Variants in CAPN8 observed in about 807,000 individuals in gnomAD.
CAPN8 encodes calpain 8.
In CAPN8, 87 loss-of-function variants were observed where a neutral mutation model predicts 80.9. That is an observed-to-expected ratio of 1.07 (90% confidence interval 0.90 to 1.28). CAPN8 has a LOEUF of 1.28. Ranked by LOEUF, CAPN8 falls within the 50% of genes most tolerant of loss-of-function variation. The probability of loss-of-function intolerance (pLI) is 0.00; values close to 1 mark genes in which losing one functional copy is unlikely to be tolerated. For missense variants in CAPN8, 757 were observed against 702.0 expected, an observed-to-expected ratio of 1.08 and a Z score of -0.89; for synonymous variants, 299 against 273.8, an observed-to-expected ratio of 1.09 and a Z score of -0.91.
At chr1:223,626,410 G>A (rs1041470863) in intron 5 of CAPN8, among the ~76,000 whole-genome samples, 1 of 152,100 alleles carries the variant, frequency 6.6e-6, no homozygotes, top group African/African-American at 2.4e-5. Flanking sequence ...AAATCACCAG[G>A]TAAGGACAAG....
chr1:223,653,212 T>C (rs1658387227), intron 2 of CAPN8, among the ~76,000 whole-genome samples: 1 of 150,400 alleles, frequency 6.6e-6, no homozygotes, highest in Non-Finnish European at 1.5e-5. Flanking sequence ...GAGGCTGTGG[T>C]TTTCAGGCAA....
chr1:223,542,007 C>T, intron 20 of CAPN8, 148 bp from the exon 21 acceptor site: 1 of 1,320,604 alleles, frequency 7.6e-7, no homozygotes, highest in Middle Eastern at 2.2e-4. Flanking sequence ...GCAAGGAAGG[C>T]TTTCACTATA....
At position 223,649,128 on chromosome 1, in the gene CAPN8, T is replaced by C. The variant is rs192176247; in HGVS notation, c.307+5202A>G. On this transcript the variant is annotated intron_variant, in intron 2 of 20. Transcript: ENST00000366872. ...TCCCCATTCCTGAAAGCAGCAAGCA[T>C]CAAATTTCATTTTTCAGAGACCAAG... Among the ~76,000 whole-genome samples the C allele has an allele frequency of 5.9e-5, 9 of 152,378 alleles. No homozygotes were observed. In the East Asian group the frequency reaches 1.7e-3, roughly 29 times the overall value.
intron 1 of CAPN8, among the ~76,000 whole-genome samples, chr1:223,656,475 C>A (rs1384512120): frequency 2.6e-5 from 4 of 151,774 alleles, no homozygotes; most frequent in Non-Finnish European, 5.9e-5. Context: ...ACAACAACAA[C>A]AAAAATTTAT....
rs748000049 is a variant in CAPN8, at chr1:223,642,829, C to T, written c.307+11501G>A. The T allele has an allele frequency of 8.8e-6, 4 of 456,266 alleles. 1 individual carries two copies. Among genetic ancestry groups the T allele is most frequent in the South Asian group, 6.2e-5 (4 of 64,566 alleles). The allele number at this position is 456,266 out of a possible 1,614,324, so 28.3% of individuals were successfully genotyped here. A position where few individuals can be genotyped will look rare whatever the true frequency, so the allele number is the denominator to read the frequency against. Reference sequence around the variant, plus strand: ...CCACCAGGCCAATTCTCATCCATCTCGTTTCTGTGATTGTGGAAGGAATAA... The same window carrying T: ...CCACCAGGCCAATTCTCATCCATCTTGTTTCTGTGATTGTGGAAGGAATAA... On this transcript the variant is annotated intron_variant, in intron 2 of 20. Coordinates refer to ENST00000366872, the MANE Select transcript of CAPN8 (RefSeq NM_001143962.2).
rs1317779114 is a variant in CAPN8, at chr1:223,544,068, G to A, written c.2028C>T (p.Phe676=). Residue 676 remains phenylalanine (F), a splice_region_variant and synonymous_variant, in exon 19 of 21, where the codon TTC becomes TTT. Coordinates refer to ENST00000366872, the MANE Select transcript of CAPN8 (RefSeq NM_001143962.2). ...GGGCTGGAGGACAGAGTGACTCACTGAAGAGGGTCTCCAGGCGGATCATAC... is the reference window on the plus strand; with the variant it reads ...GGGCTGGAGGACAGAGTGACTCACTAAAGAGGGTCTCCAGGCGGATCATAC... ...VACMIRLETL[F]KLFSLLDEDK... The A allele has an allele frequency of 2.8e-6, 2 of 717,866 alleles. No individual in the cohort carries two copies. The highest frequency in any genetic ancestry group is 1.5e-5 in the South Asian group (1 of 67,604). 44.5% of individuals were successfully genotyped at this position (717,866 alleles called of 1,614,324 possible).
At position 223,665,443 on chromosome 1, in the gene CAPN8, C is replaced by T. The variant is rs562936995; in HGVS notation, c.204G>A (p.Pro68=). 220 of 1,552,002 alleles carry T rather than the reference C, an allele frequency of 1.4e-4. No homozygotes were observed. The highest frequency in any genetic ancestry group is 2.0e-4 in the South Asian group (17 of 84,050). ...LGYKDLGPGS[P]QTQGIIWKRP... Reference sequence around the variant, plus strand: ...GCTTCCAGATGATGCCTTGAGTTTGCGGAGAGCCTGGTCCAAGATCCTTGT... The same window carrying T: ...GCTTCCAGATGATGCCTTGAGTTTGTGGAGAGCCTGGTCCAAGATCCTTGT... The change falls in exon 1 of 21, where the codon CCG becomes CCA. Residue 68 remains proline (P), a synonymous_variant. Coordinates refer to ENST00000366872, the MANE Select transcript of CAPN8 (RefSeq NM_001143962.2).
intron 20 of CAPN8, among the ~76,000 whole-genome samples, chr1:223,542,699 A>G (rs1656501298): frequency 2.0e-5 from 3 of 152,208 alleles, no homozygotes. Flanking sequence ...ACTTGTACAC[A>G]GTAAAAACAC....
At chr1:223,638,489 T>C (rs1039420575) in intron 2 of CAPN8, among the ~76,000 whole-genome samples, 1 of 152,136 alleles carries the variant, frequency 6.6e-6, no homozygotes, top group South Asian at 2.1e-4. Flanking sequence ...CTCTGGAGTA[T>C]CTTGTTTAAT....
At chr1:223,645,747 G>C (rs1370679992) in intron 2 of CAPN8, among the ~76,000 whole-genome samples, 2 of 152,200 alleles carry the variant, frequency 1.3e-5, no homozygotes, top group East Asian at 3.9e-4. Context: ...CAAGAATGCA[G>C]ACCAAAGTAA....
intron 2 of CAPN8, among the ~76,000 whole-genome samples, chr1:223,629,556 T>C (rs769085162): frequency 5.3e-5 from 8 of 152,226 alleles, no homozygotes; most frequent in Non-Finnish European, 1.2e-4. Flanking sequence ...CTGGGAGGCA[T>C]CGTTGTCCCT....
At chr1:223,545,055 G>T (rs1269463638) in intron 17 of CAPN8, 176 bp downstream of exon 17, 8 of 1,378,464 alleles carry the variant, frequency 5.8e-6, no homozygotes, top group Non-Finnish European at 7.8e-6. Context: ...GGGCTTTCAG[G>T]GCAGTGGTTG....
Position 223,654,473 on chromosome 1 carries a change from A to G in CAPN8, c.238-74T>C. On this transcript the variant is annotated intron_variant, in intron 1 of 20. Transcript: ENST00000366872. ...GCAGCAGCCTGGGGAAAGGAACATC[A>G]GAGTCCCAGGTTGCAGAGCTGGAAG... The G allele has an allele frequency of 3.7e-6, 5 of 1,346,568 alleles. No homozygotes were observed. The South Asian group carries it at 6.3e-5, about 17-fold the overall frequency. The allele number at this position is 1,346,568 out of a possible 1,614,324, so 83.4% of individuals were successfully genotyped here.
chr1:223,646,878 CG>C (rs1161392369), intron 2 of CAPN8, among the ~76,000 whole-genome samples: 2 of 152,114 alleles, frequency 1.3e-5, no homozygotes, highest in African/African-American at 4.8e-5. Context: ...TCGCCTAGAA[CG>C]CAGAACAGAT....
intron 2 of CAPN8, among the ~76,000 whole-genome samples, chr1:223,643,354 C>T (rs1484539575): frequency 6.6e-6 from 1 of 152,146 alleles, no homozygotes; most frequent in African/African-American, 2.4e-5. Context: ...CTTTAAAGTG[C>T]ATCAAATATT....
intron 4 of CAPN8, 89 bp downstream of exon 4, chr1:223,627,920 T>G: frequency 2.1e-6 from 3 of 1,401,570 alleles, no homozygotes; most frequent in Non-Finnish European, 2.8e-6. Context: ...ACGCCCTGAG[T>G]TTGGGGTGGG....
chr1:223,646,731 G>A (rs1207288718), intron 2 of CAPN8, among the ~76,000 whole-genome samples: 1 of 152,194 alleles, frequency 6.6e-6, no homozygotes, highest in Non-Finnish European at 1.5e-5. Flanking sequence ...AAGACTCACA[G>A]CCAGTCTGTG....
At chr1:223,631,620 GA>G (rs1241830377) in intron 2 of CAPN8, among the ~76,000 whole-genome samples, 1 of 152,178 alleles carries the variant, frequency 6.6e-6, no homozygotes. Context: ...ATAAGCAGAT[GA>G]CTACATGAAT....
At chr1:223,649,832 G>A (rs1658298293) in intron 2 of CAPN8, among the ~76,000 whole-genome samples, 1 of 152,160 alleles carries the variant, frequency 6.6e-6, no homozygotes, top group Non-Finnish European at 1.5e-5. Flanking sequence ...AGGCACCGTG[G>A]ATATATTGAT....
Sources: allele counts gnomAD v4.1 joint callset (sites outside exome capture counted in the v4.1 genomes callset), GRCh38; gene constraint gnomAD v4.1.1; transcripts MANE v1.5; gene names NCBI Gene and HGNC (gene_info 2026-07-23, HGNC 2026-07-21).